SSX5: variants seen among roughly 807,000 people sequenced by gnomAD.
SSX5 encodes SSX family member 5, also known as protein SSX5.
SSX5 carries 14 observed loss-of-function variants against 14.9 expected under a neutral mutation model. That is an observed-to-expected ratio of 0.94 (90% CI 0.62 to 1.47). The LOEUF is 1.47. Among genes scored for constraint, SSX5 ranks in the 40% most tolerant of loss-of-function variants. The pLI, the probability that SSX5 is intolerant of heterozygous loss-of-function variation, is 0.00. For synonymous variants in SSX5, 70 were observed against 55.4 expected (o/e 1.26, Z -1.17); for missense variants, 204 against 154.6 (o/e 1.32, Z -1.70).
chrX:48,192,310 T>G (rs1240533682), intron 4 of SSX5, 29 bp from the exon 5 acceptor site: 1 of 1,208,858 alleles, frequency 8.3e-7, no homozygotes, highest in Non-Finnish European at 1.1e-6. Flanking sequence ...GAATTTTTCT[T>G]TGTTGGTAAA....
chrX:48,187,296 A>G (rs1556923963), intron 7 of SSX5, among the ~76,000 whole-genome samples: 1 of 110,871 alleles, frequency 9.0e-6, no homozygotes, highest in African/African-American at 3.3e-5. Context: ...TCTACTAAAA[A>G]TACAAGAAAA....
intron 2 of SSX5, 132 bp downstream of exon 2, chrX:48,195,158 G>A (rs782814183): frequency 1.7e-6 from 2 of 1,211,174 alleles, no homozygotes; most frequent in East Asian, 5.9e-5. Flanking sequence ...AGAGTGAGAG[G>A]CTCCCAAGGT....
rs1442362378 is a variant in SSX5, at chrX:48,190,169, T to C, written c.430A>G (p.Lys144Glu). 1 of 1,208,732 alleles carries C rather than the reference T, an allele frequency of 8.3e-7. No individual in the cohort carries two copies. The highest frequency in any genetic ancestry group is 1.8e-5 in the African/African-American group (1 of 57,012). The change falls in exon 6 of 8, where the codon AAA (lysine) becomes GAA (glutamate). Residue 144 changes from lysine to glutamate, a missense_variant. Transcript: ENST00000347757. ...NNGKQLRPSG[K>E]LNTSEKVNKT... ...TTAACCTTCTCAGAGGTATTTAGTT[T>C]TCCTGAGGGGCGCAGCTGTTTCCCA... is the stretch of plus-strand genomic sequence containing the variant.
chrX:48,189,118 G>A (rs1238224767), intron 6 of SSX5, among the ~76,000 whole-genome samples: 3 of 112,039 alleles, frequency 2.7e-5, no homozygotes, highest in Admixed American at 9.5e-5. Context: ...ACATAAAAGT[G>A]CAAGGTGAAG....
Position 48,186,409 on chromosome X carries a change from C to CGCGT in SSX5, c.*451_*452insACGC, listed in dbSNP as rs1475392413. 3.8e-6 allele frequency: 1 copy of CGCGT among 261,959 alleles called. No individual in the cohort carries two copies. Among genetic ancestry groups the CGCGT allele is most frequent in the Non-Finnish European group, 6.8e-6 (1 of 146,875 alleles). 21.6% of individuals were successfully genotyped at this position (261,959 alleles called of 1,213,427 possible). A position where few individuals can be genotyped will look rare whatever the true frequency, so the allele number is the denominator to read the frequency against. On this transcript the variant is annotated 3_prime_UTR_variant, in exon 8 of 8. Coordinates refer to ENST00000347757, the MANE Select transcript of SSX5 (RefSeq NM_175723.2). ...GTGTGTGTGTGTGTGTGTGTGCGCGCGCGCGCGCATGTGTGTCTGTGTGGC... is the reference window on the plus strand; with the variant it reads ...GTGTGTGTGTGTGTGTGTGTGCGCGCGCGTGCGCGCGCATGTGTGTCTGTGTGGC...
chrX:48,190,644 C>T (rs782264477), intron 5 of SSX5, among the ~76,000 whole-genome samples: 14 of 111,469 alleles, frequency 1.3e-4, no homozygotes, highest in Non-Finnish European at 2.3e-4. Context: ...CATATAAGCT[C>T]GTAGACAGCT....
rs139026826 is a variant in SSX5 at position 48,189,212 on chromosome X, C to T, written c.466+921G>A. ...TGATGAAGGTGGCTACACTAAACAA[C>T]AGATTTTCAATGTAGATAAAATAGC... is the stretch of plus-strand genomic sequence containing the variant. On this transcript the variant is annotated intron_variant, in intron 6 of 7. Coordinates refer to ENST00000347757, the MANE Select transcript of SSX5 (RefSeq NM_175723.2). Among the ~76,000 whole-genome samples the T allele has an allele frequency of 4.9e-3, 551 of 112,257 alleles. 6 individuals are homozygous for T. The highest frequency in any genetic ancestry group is 0.017 in the African/African-American group (527 of 30,924).
intron 5 of SSX5, among the ~76,000 whole-genome samples, chrX:48,191,007 C>T (rs2059417771): frequency 9.1e-6 from 1 of 109,790 alleles, no homozygotes; most frequent in Admixed American, 9.8e-5. Context: ...CATGTTTAAG[C>T]GATTCTCCTT....
intron 1 of SSX5, among the ~76,000 whole-genome samples, 180 bp from the exon 2 acceptor site, chrX:48,195,558 G>A (rs183972844): frequency 8.9e-6 from 1 of 111,844 alleles, no homozygotes; most frequent in African/African-American, 3.3e-5. Context: ...AGGGAGCCAG[G>A]GGTCTCTGGG....
chrX:48,190,840 T>A (rs1351717902), intron 5 of SSX5, among the ~76,000 whole-genome samples: 1 of 111,286 alleles, frequency 9.0e-6, no homozygotes, highest in Non-Finnish European at 1.9e-5. Context: ...GAATGTGGAA[T>A]TCAGTGAGGT....
chrX:48,186,895 G>T, intron 7 of SSX5, 39 bp from the exon 8 acceptor site: 4 of 1,194,433 alleles, frequency 3.3e-6, no homozygotes, highest in Non-Finnish European at 4.5e-6. Flanking sequence ...GTGGCAGTGA[G>T]TTCCCACCAC....
intron 5 of SSX5, among the ~76,000 whole-genome samples, chrX:48,191,075 T>G (rs1265575714): frequency 6.4e-5 from 7 of 110,110 alleles, no homozygotes; most frequent in African/African-American, 2.3e-4. Flanking sequence ...CCGCTAAGTT[T>G]TGTATTTTTA....
intron 4 of SSX5, 118 bp from the exon 5 acceptor site, chrX:48,192,399 A>T (rs1256262480): frequency 9.6e-7 from 1 of 1,038,923 alleles, no homozygotes; most frequent in Non-Finnish European, 1.3e-6. Flanking sequence ...ATTGTTGAGG[A>T]GTTATTTGAG....
rs371983694 is a variant in SSX5 at position 48,194,765 on chromosome X, T to C, written c.159A>G (p.Arg53=). Residue 53 remains arginine (R), a synonymous_variant, in exon 3 of 8, where the codon AGA becomes AGG. Coordinates refer to ENST00000347757, the MANE Select transcript of SSX5 (RefSeq NM_175723.2). ...SEKIIYVYMK[R]KYEAMTKLGF... ...CTAGTTTAGTCATGGCCTCATACTT[T>C]CTCTTCATATACACATAGATGATTT... 101 of 1,208,580 alleles carry C rather than the reference T, an allele frequency of 8.4e-5. 1 individual carries two copies. The highest frequency in any genetic ancestry group is 1.1e-4 in the Non-Finnish European group (98 of 894,229).
intron 5 of SSX5, among the ~76,000 whole-genome samples, chrX:48,191,571 A>G (rs2059420261): frequency 8.9e-6 from 1 of 111,833 alleles, no homozygotes; most frequent in African/African-American, 3.2e-5. Context: ...AAGTGGCCCC[A>G]GTAACAGATC....
intron 6 of SSX5, among the ~76,000 whole-genome samples, 175 bp from the exon 7 acceptor site, chrX:48,187,906 T>G (rs782632385): frequency 8.9e-6 from 1 of 112,056 alleles, no homozygotes; most frequent in South Asian, 3.8e-4. Context: ...GGCTGAGACC[T>G]TAGACCCACA....
chrX:48,190,347 A>C (rs1378185825), intron 5 of SSX5, 79 bp from the exon 6 acceptor site: 38 of 1,070,371 alleles, frequency 3.6e-5, no homozygotes, highest in Non-Finnish European at 4.3e-5. Context: ...GAATCTTCAC[A>C]TGCATTACCT....
rs782794051 is a variant in SSX5 at position 48,190,167 on chromosome X, T to G, written c.432A>C (p.Lys144Asn). The G allele has an allele frequency of 8.3e-7, 1 of 1,210,852 alleles. No individual in the cohort carries two copies. Residue 144 changes from lysine (K) to asparagine (N), a missense_variant, in exon 6 of 8, where the codon AAA (lysine) becomes AAC (asparagine). By Grantham distance (94) the Lys-to-Asn change is moderately conservative (BLOSUM62 0). Transcript: ENST00000347757. ...NNGKQLRPSGKLNTSEKVNKT... is the reference protein window; with the variant it reads ...NNGKQLRPSGNLNTSEKVNKT... Reference sequence around the variant, plus strand: ...TGTTAACCTTCTCAGAGGTATTTAGTTTTCCTGAGGGGCGCAGCTGTTTCC... The same window carrying G: ...TGTTAACCTTCTCAGAGGTATTTAGGTTTCCTGAGGGGCGCAGCTGTTTCC...
chrX:48,195,106 G>C, intron 2 of SSX5, 184 bp downstream of exon 2: 1 of 1,211,477 alleles, frequency 8.3e-7, no homozygotes. Flanking sequence ...GTATTCCACG[G>C]TCACAGACTT....
Sources: gnomAD v4.1 joint callset for allele counts (sites outside exome capture counted in the v4.1 genomes callset) on GRCh38, gnomAD v4.1.1 for gene constraint, MANE v1.5 for transcripts, NCBI Gene and HGNC (gene_info 2026-07-23, HGNC 2026-07-21) for gene names.